The following ABCD3 variants were observed in gnomAD, a reference collection of about 807,000 sequenced individuals.
The protein encoded by ABCD3 is ATP-binding cassette sub-family D member 3.
A neutral mutation model predicts 105.5 loss-of-function variants in ABCD3; 41 were observed. The observed-to-expected ratio is 0.39, with a 90% CI of 0.30 to 0.50. The LOEUF (loss-of-function observed/expected upper bound fraction) is 0.50, where lower values mean the gene tolerates loss of function less well. ABCD3 is among the 20% of genes least tolerant of loss of function. The probability of loss-of-function intolerance (pLI) is 0.84; values close to 1 mark genes in which losing one functional copy is unlikely to be tolerated. For missense variants in ABCD3, 622 were observed against 806.3 expected, an observed-to-expected ratio of 0.77 and a Z score of 2.77; for synonymous variants, 258 against 269.0, an observed-to-expected ratio of 0.96 and a Z score of 0.40.
At chr1:94,511,557 A>C (rs1280668563) in intron 21 of ABCD3, among the ~76,000 whole-genome samples, 3 of 152,104 alleles carry the variant, frequency 2.0e-5, no homozygotes, top group South Asian at 2.1e-4. Context: ...AGACTGGGGA[A>C]GTTCTCCTGG....
At chr1:94,448,732 A>G (rs1467210079) in intron 1 of ABCD3, among the ~76,000 whole-genome samples, 2 of 152,224 alleles carry the variant, frequency 1.3e-5, no homozygotes, top group Admixed American at 6.5e-5. Flanking sequence ...ATTAAAACAG[A>G]TAATGCCCCA....
At chr1:94,495,967 A>T (rs1225388356) in intron 16 of ABCD3, among the ~76,000 whole-genome samples, 1 of 152,260 alleles carries the variant, frequency 6.6e-6, no homozygotes. Flanking sequence ...ATGATTCTTT[A>T]TCAGAAAAAA....
At chr1:94,499,473 T>C (rs770058770) in intron 19 of ABCD3, 22 bp from the exon 20 acceptor site, 2 of 1,609,908 alleles carry the variant, frequency 1.2e-6, no homozygotes, top group Non-Finnish European at 1.7e-6. Context: ...TTTAATTTCA[T>C]CTTTAATCAT....
At position 94,418,398 on chromosome 1, in the gene ABCD3, C is replaced by G; in HGVS notation, c.-81C>G. 3.2e-6 allele frequency: 4 copies of G among 1,258,294 alleles called. No individual in the cohort carries two copies. The South Asian group carries it at 5.1e-5, about 16-fold the overall frequency. 77.9% of individuals were successfully genotyped at this position (1,258,294 alleles called of 1,614,324 possible). A position where few individuals can be genotyped will look rare whatever the true frequency, so the allele number is the denominator to read the frequency against. ...CGCCCTCTGCTCTCCTCCCAGTCTC[C>G]CCCGCGCTGCGTGCAGTAAGGTAGC... On this transcript the variant is annotated 5_prime_UTR_variant, in exon 1 of 23. Coordinates refer to ENST00000370214, the MANE Select transcript of ABCD3 (RefSeq NM_002858.4).
chr1:94,462,483 T>G (rs571481200), intron 2 of ABCD3, among the ~76,000 whole-genome samples: 1 of 152,270 alleles, frequency 6.6e-6, no homozygotes, highest in Non-Finnish European at 1.5e-5. Context: ...AATGATAATT[T>G]GGAAGAATAT....
At chr1:94,488,345 G>A (rs1570808576) in intron 13 of ABCD3, among the ~76,000 whole-genome samples, 1 of 151,776 alleles carries the variant, frequency 6.6e-6, no homozygotes, top group Non-Finnish European at 1.5e-5. Context: ...TTGGATCTTA[G>A]ATACCGGCAA....
the ABCD3 span, among the ~76,000 whole-genome samples, chr1:94,407,488 G>A: frequency 6.6e-6 from 1 of 152,096 alleles, no homozygotes; most frequent in Non-Finnish European, 1.5e-5. Context: ...GGAATGTTTT[G>A]TAATTTTCTT....
At chr1:94,401,108 C>T in the ABCD3 span, among the ~76,000 whole-genome samples, 4 of 152,138 alleles carry the variant, frequency 2.6e-5, no homozygotes, top group African/African-American at 9.7e-5. Flanking sequence ...TCCCAGCCTC[C>T]AGAATGTAAG....
intron 1 of ABCD3, among the ~76,000 whole-genome samples, chr1:94,432,860 T>TG (rs1557660522): frequency 1.2e-3 from 11 of 9,460 alleles, no homozygotes; most frequent in Admixed American, 2.5e-3. Flanking sequence ...AAATTTTTTT[T>TG]CTTTTTTTTT....
the ABCD3 span, among the ~76,000 whole-genome samples, chr1:94,394,023 C>A: frequency 2.6e-5 from 4 of 152,168 alleles, no homozygotes; most frequent in African/African-American, 7.2e-5. Context: ...CCAAAGAGTT[C>A]TTTTCTTTGT....
chr1:94,510,565 G>T (rs1650610081), intron 21 of ABCD3, among the ~76,000 whole-genome samples: 1 of 152,130 alleles, frequency 6.6e-6, no homozygotes, highest in Admixed American at 6.6e-5. Flanking sequence ...CTGTCTTGTT[G>T]ATCTGACTAA....
intron 4 of ABCD3, among the ~76,000 whole-genome samples, chr1:94,471,392 T>C (rs936793110): frequency 3.3e-5 from 5 of 151,046 alleles, no homozygotes; most frequent in African/African-American, 9.8e-5. Flanking sequence ...ACTTCGTCTT[T>C]ACAAAATATA....
the ABCD3 span, among the ~76,000 whole-genome samples, chr1:94,400,101 A>C: frequency 6.6e-6 from 1 of 152,122 alleles, no homozygotes; most frequent in African/African-American, 2.4e-5. Context: ...ACAGAAGCAC[A>C]ACATCCTAGA....
chr1:94,455,452 A>C (rs1345714647), intron 1 of ABCD3, among the ~76,000 whole-genome samples: 1 of 151,694 alleles, frequency 6.6e-6, no homozygotes, highest in African/African-American at 2.4e-5. Flanking sequence ...CAGCCTCCTG[A>C]GTAGCTGGGA....
At chr1:94,396,342 T>C in the ABCD3 span, among the ~76,000 whole-genome samples, 1 of 152,202 alleles carries the variant, frequency 6.6e-6, no homozygotes, top group African/African-American at 2.4e-5. Flanking sequence ...TATTCATTTT[T>C]CCCCTTTCAC....
At chr1:94,410,923 T>G in the ABCD3 span, among the ~76,000 whole-genome samples, 1 of 152,160 alleles carries the variant, frequency 6.6e-6, no homozygotes, top group Admixed American at 6.5e-5. Flanking sequence ...CAGCTGGATA[T>G]CCACATGCCA....
chr1:94,400,272 G>A, the ABCD3 span, among the ~76,000 whole-genome samples: 1 of 151,992 alleles, frequency 6.6e-6, no homozygotes, highest in Non-Finnish European at 1.5e-5. Flanking sequence ...AGTCCAGCTT[G>A]GTGGCAGCTG....
rs1650133897 is a variant in ABCD3, at chr1:94,502,278, A to G, written c.1740+2664A>G. Among the ~76,000 whole-genome samples the G allele has an allele frequency of 2.6e-5, 4 of 152,082 alleles. No homozygotes were observed. The South Asian group carries it at 6.2e-4, about 24-fold the overall frequency. On this transcript the variant is annotated intron_variant, in intron 20 of 22. Transcript: ENST00000370214. ...CATGACAATCATTTTAAAACTACCA[A>G]TTTTGGGTTTTCTACCCCGTTACTT...
chr1:94,431,461 T>G (rs1407362543), intron 1 of ABCD3, among the ~76,000 whole-genome samples: 1 of 152,190 alleles, frequency 6.6e-6, no homozygotes, highest in Admixed American at 6.5e-5. Context: ...AAGAAACTCA[T>G]AGACTATTGA....
Sources: allele counts gnomAD v4.1 joint callset (sites outside exome capture counted in the v4.1 genomes callset), GRCh38; gene constraint gnomAD v4.1.1; transcripts MANE v1.5; gene names NCBI Gene and HGNC (gene_info 2026-07-23, HGNC 2026-07-21).